WDFY1: variants seen among roughly 807,000 people sequenced by gnomAD.
WDFY1 encodes WD repeat and FYVE domain containing 1.
Under a neutral mutation model 56.4 loss-of-function variants are expected in WDFY1, and 32 were observed. The ratio of observed to expected loss-of-function variants is 0.57; its 90% CI spans 0.43 to 0.76. WDFY1 has a LOEUF of 0.76. Among genes scored for constraint, WDFY1 ranks in the 30% least tolerant of loss-of-function variants. WDFY1 has a pLI of 0.00. For missense variants in WDFY1, 480 were observed against 545.7 expected, an observed-to-expected ratio of 0.88 and a Z score of 1.20; for synonymous variants, 192 against 197.3, an observed-to-expected ratio of 0.97 and a Z score of 0.23.
chr2:223,936,038 G>GT, intron 1 of WDFY1, among the ~76,000 whole-genome samples: 1 of 147,918 alleles, frequency 6.8e-6, no homozygotes, highest in South Asian at 2.2e-4. Flanking sequence ...GCAGGGAGCA[G>GT]TTATGGGGTT....
intron 9 of WDFY1, among the ~76,000 whole-genome samples, chr2:223,883,618 C>CG (rs1553535281): frequency 6.6e-6 from 1 of 151,878 alleles, no homozygotes; most frequent in Non-Finnish European, 1.5e-5. Flanking sequence ...TGGAGTATCT[C>CG]TGAGTAAAAT....
chr2:223,885,965 T>TCTAG (rs1041466130), intron 8 of WDFY1, among the ~76,000 whole-genome samples: 1 of 152,224 alleles, frequency 6.6e-6, no homozygotes, highest in African/African-American at 2.4e-5. Flanking sequence ...TTCATCTTGA[T>TCTAG]CTAGCCACAG....
At chr2:223,882,655 A>G (rs1240224212) in intron 9 of WDFY1, among the ~76,000 whole-genome samples, 1 of 152,186 alleles carries the variant, frequency 6.6e-6, no homozygotes, top group African/African-American at 2.4e-5. Flanking sequence ...AATTTAGTTC[A>G]TTTAGGAGCC....
chr2:223,918,787 C>T (rs1693838288), intron 1 of WDFY1, among the ~76,000 whole-genome samples: 1 of 152,154 alleles, frequency 6.6e-6, no homozygotes, highest in South Asian at 2.1e-4. Context: ...GGAAGAGGCT[C>T]ATGGAGGAGT....
intron 9 of WDFY1, among the ~76,000 whole-genome samples, chr2:223,883,414 T>C (rs775622442): frequency 6.6e-6 from 1 of 152,170 alleles, no homozygotes; most frequent in Non-Finnish European, 1.5e-5. Context: ...GGAAGTAAAA[T>C]CCATTTCTCT....
chr2:223,907,681 T>G (rs1693620889), intron 3 of WDFY1, among the ~76,000 whole-genome samples: 1 of 152,146 alleles, frequency 6.6e-6, no homozygotes, highest in African/African-American at 2.4e-5. Context: ...CATGATGATA[T>G]TCCTATAAAA....
chr2:223,899,092 T>G, intron 5 of WDFY1, 22 bp from the exon 6 acceptor site: 1 of 1,603,166 alleles, frequency 6.2e-7, no homozygotes, highest in African/African-American at 1.3e-5. Context: ...CAGTCAAGGA[T>G]GTAGAACAGA....
At chr2:223,899,154 G>C (rs1404497009) in intron 5 of WDFY1, 84 bp from the exon 6 acceptor site, 1 of 1,099,090 alleles carries the variant, frequency 9.1e-7, no homozygotes. Context: ...GTCAAAGTTA[G>C]TTTTCAAAGT....
chr2:223,942,737 T>G (rs1331252077), intron 1 of WDFY1, among the ~76,000 whole-genome samples: 52 of 96,578 alleles, frequency 5.4e-4, no homozygotes, highest in Middle Eastern at 9.4e-3. Context: ...GGGTTTCACC[T>G]TGTTAGCCAG....
chr2:223,913,343 C>T (rs981052212), intron 2 of WDFY1, among the ~76,000 whole-genome samples: 8 of 152,006 alleles, frequency 5.3e-5, no homozygotes, highest in South Asian at 4.1e-4. Flanking sequence ...AATACTGGAT[C>T]GTACCCCAAA....
At chr2:223,890,848 T>G (rs1450048374) in intron 8 of WDFY1, among the ~76,000 whole-genome samples, 1 of 152,214 alleles carries the variant, frequency 6.6e-6, no homozygotes, top group Non-Finnish European at 1.5e-5. Flanking sequence ...TTCTAATTAT[T>G]GTTACTTCCT....
intron 7 of WDFY1, chr2:223,894,577 T>C (rs1210247998): frequency 8.2e-6 from 4 of 489,706 alleles, no homozygotes; most frequent in Non-Finnish European, 3.7e-6. Context: ...TTAAGAATTG[T>C]AGGCCAGAGA....
chr2:223,935,269 A>C (rs1439525791), intron 1 of WDFY1, among the ~76,000 whole-genome samples: 1 of 152,188 alleles, frequency 6.6e-6, no homozygotes, highest in Non-Finnish European at 1.5e-5. Context: ...AAATCCACAC[A>C]GGCGACTTTT....
chr2:223,935,034 C>A (rs568961612), intron 1 of WDFY1, among the ~76,000 whole-genome samples: 2 of 151,946 alleles, frequency 1.3e-5, no homozygotes, highest in African/African-American at 4.8e-5. Context: ...AGGGTTTCGG[C>A]GAGGGAACAG....
intron 1 of WDFY1, among the ~76,000 whole-genome samples, chr2:223,940,494 C>T (rs1040189737): frequency 6.6e-6 from 1 of 152,060 alleles, no homozygotes; most frequent in African/African-American, 2.4e-5. Context: ...CACATAAGGT[C>T]CAATTCTGTA....
At chr2:223,921,805 G>C (rs537985800) in intron 1 of WDFY1, among the ~76,000 whole-genome samples, 1 of 152,174 alleles carries the variant, frequency 6.6e-6, no homozygotes, top group African/African-American at 2.4e-5. Flanking sequence ...TGTTTTTTAA[G>C]AATTAAACGA....
At chr2:223,937,571 A>G (rs1444611874) in intron 1 of WDFY1, among the ~76,000 whole-genome samples, 2 of 152,234 alleles carry the variant, frequency 1.3e-5, no homozygotes, top group African/African-American at 4.8e-5. Context: ...TTTGCACATG[A>G]GAAAACTGTG....
In WDFY1 at chr2:223,895,537, C is replaced by T. The variant is rs1162111101; in HGVS notation, c.692G>A (p.Arg231Lys). The T allele has an allele frequency of 6.2e-7, 1 of 1,614,064 alleles. No homozygotes were observed. The highest frequency in any genetic ancestry group is 1.7e-5 in the Admixed American group (1 of 60,018). Reference sequence around the variant, plus strand: ...CTGAAGTAACAGCGTCCGGCCTTTCCTTCCTCCGATGTCCCACATGATGAT... The same window carrying T: ...CTGAAGTAACAGCGTCCGGCCTTTCTTTCCTCCGATGTCCCACATGATGAT... ...NSIIMWDIGG[R>K]KGRTLLLQGH... is the part of the protein sequence containing the mutation. The change falls in exon 7 of 12, where the codon AGG becomes AAG. Residue 231 changes from arginine to lysine, a missense_variant. Physicochemically the swap from Arg to Lys is conservative, Grantham distance 26. Transcript: ENST00000233055.
At chr2:223,920,184 C>A (rs1693865350) in intron 1 of WDFY1, among the ~76,000 whole-genome samples, 1 of 152,172 alleles carries the variant, frequency 6.6e-6, no homozygotes, top group South Asian at 2.1e-4. Context: ...AACAGGTATG[C>A]GATTTGAAGG....
Sources: gnomAD v4.1 joint callset for allele counts (sites outside exome capture counted in the v4.1 genomes callset) on GRCh38, gnomAD v4.1.1 for gene constraint, MANE v1.5 for transcripts, NCBI Gene and HGNC (gene_info 2026-07-23, HGNC 2026-07-21) for gene names.